The following PDLIM2 variants were observed in gnomAD, a reference collection of about 807,000 sequenced individuals.
The protein encoded by PDLIM2 is PDZ and LIM domain protein 2.
Under a neutral mutation model 54.1 loss-of-function variants are expected in PDLIM2, and 51 were observed. That is an observed-to-expected ratio of 0.94 (90% CI 0.75 to 1.19). The LOEUF is 1.19. Ranked by LOEUF, PDLIM2 falls within the 50% of genes most tolerant of loss-of-function variation. PDLIM2 has a pLI of 0.00. For missense variants in PDLIM2, 912 were observed against 874.0 expected (o/e 1.04, Z -0.55); for synonymous variants, 398 against 385.6 (o/e 1.03, Z -0.38).
At chr8:22,593,551 T>C in intron 9 of PDLIM2, 182 bp from the exon 9 acceptor site, 1 of 575,604 alleles carries the variant, frequency 1.7e-6, no homozygotes, top group Non-Finnish European at 2.9e-6. Flanking sequence ...TATTCCAGCC[T>C]GGGCAACAAG....
chr8:22,589,197 C>G, intron 6 of PDLIM2, 101 bp from the exon 6 acceptor site: 4 of 1,281,158 alleles, frequency 3.1e-6, no homozygotes, highest in Non-Finnish European at 3.3e-6. Context: ...GGGCCGGGGG[C>G]CCCCTGGTGT....
chr8:22,585,193 C>T lies in PDLIM2; in HGVS notation c.1211+31C>T, dbSNP rs781121116. The T allele has an allele frequency of 5.0e-6, 8 of 1,609,178 alleles. No individual in the cohort carries two copies. In the Admixed American group the frequency reaches 5.0e-5, roughly 10 times the overall value. Reference sequence around the variant, plus strand: ...TGTGCCTGTGAGTGGGTACCCTGGTCGCCTGCGCTGCCAGCTCCAGGCTGG... The same window carrying T: ...TGTGCCTGTGAGTGGGTACCCTGGTTGCCTGCGCTGCCAGCTCCAGGCTGG... On this transcript the variant is annotated intron_variant, in intron 5 of 9. Transcript: ENST00000308354.
chr8:22,585,294 C>T (rs1800342413), intron 5 of PDLIM2, 27 bp from the exon 5 acceptor site: 2 of 1,611,692 alleles, frequency 1.2e-6, no homozygotes, highest in South Asian at 1.1e-5. Flanking sequence ...GTGGCCCTGG[C>T]ACACACTGTC....
intron 6 of PDLIM2, chr8:22,589,089 C>T: frequency 2.0e-6 from 1 of 496,046 alleles, no homozygotes; most frequent in Non-Finnish European, 3.8e-6. Context: ...TGCGCCCTGG[C>T]TCCGAGGGAA....
In PDLIM2 at chr8:22,579,402, A is replaced by T. The variant is rs1800126041; in HGVS notation, c.623A>T (p.Gln208Leu). 3 of 1,510,612 alleles carry T rather than the reference A, an allele frequency of 2.0e-6. No individual in the cohort carries two copies. Among genetic ancestry groups the T allele is most frequent in the South Asian group, 2.5e-5 (2 of 81,610 alleles). 93.6% of individuals were successfully genotyped at this position (1,510,612 alleles called of 1,614,324 possible). The change falls in exon 1 of 10, where the codon CAG (glutamine) becomes CTG (leucine). Residue 208 changes from glutamine to leucine, a missense_variant. Physicochemically the swap from Gln to Leu is moderately radical, Grantham distance 113 (BLOSUM62 -2). Coordinates refer to ENST00000308354, the Ensembl canonical transcript of PDLIM2. ...TCCCCGGCCGGAGCGCTCCTCCTCC[A>T]GCCCCCAGCCCGCAGGGTACTTTGC...
rs752888665 is a variant in PDLIM2, at chr8:22,589,647, C to A, written c.1419C>A (p.Phe473Leu). 11 of 1,592,366 alleles carry A rather than the reference C, an allele frequency of 6.9e-6. No homozygotes were observed. In the African/African-American group the frequency reaches 8.0e-5, roughly 12 times the overall value. ...TCCTGGACGAGGACTCGGAAGTCTT[C>A]AAGATGCTGCAGGAAAATCGCGAGG... Residue 473 changes from phenylalanine (F) to leucine (L), a missense_variant, in exon 8 of 10, where the codon TTC becomes TTA. Transcript: ENST00000308354.
chr8:22,586,772 C>G (rs1478510039), intron 6 of PDLIM2, among the ~76,000 whole-genome samples: 3 of 152,136 alleles, frequency 2.0e-5, no homozygotes, highest in Admixed American at 2.0e-4. Flanking sequence ...CGTGTTGCCC[C>G]CAGTCCAGGA....
At chr8:22,593,950 G>T (rs1563879528) in exon 10 of PDLIM2, 2 of 1,535,592 alleles carry the variant, frequency 1.3e-6, no homozygotes, top group Non-Finnish European at 1.8e-6. Context: ...CTGGGCCAGG[G>T]TCATGCCTAT....
At chr8:22,593,630 T>A in intron 9 of PDLIM2, 103 bp from the exon 9 acceptor site, 2 of 751,128 alleles carry the variant, frequency 2.7e-6, no homozygotes, top group Non-Finnish European at 3.9e-6. Flanking sequence ...GGCTTTGGGC[T>A]CCACCCAGGT....
chr8:22,593,728 T>A lies in PDLIM2; in HGVS notation c.1632-5T>A. 1 of 1,574,444 alleles carries A rather than the reference T, an allele frequency of 6.4e-7. No homozygotes were observed. On this transcript the variant is annotated splice_region_variant and splice_polypyrimidine_tract_variant and intron_variant, in intron 9 of 9. Coordinates refer to ENST00000308354, the Ensembl canonical transcript of PDLIM2. ...TCTGAGCTAAAGCCTCTCCCTCCCCTTCAGGAACCAGGCTGTGCGCATCCA... is the reference window on the plus strand; with the variant it reads ...TCTGAGCTAAAGCCTCTCCCTCCCCATCAGGAACCAGGCTGTGCGCATCCA...
intron 6 of PDLIM2, among the ~76,000 whole-genome samples, chr8:22,586,057 C>T (rs1800373219): frequency 6.6e-6 from 1 of 152,152 alleles, no homozygotes; most frequent in Non-Finnish European, 1.5e-5. Context: ...CAGCCCTGGG[C>T]CGCAGCTGCT....
chr8:22,589,902 T>C, intron 8 of PDLIM2, 161 bp downstream of exon 7: 1 of 1,044,232 alleles, frequency 9.6e-7, no homozygotes. Context: ...CCCCTGCCCA[T>C]AAGGAGCTGA....
intron 2 of PDLIM2, 80 bp from the exon 2 acceptor site, chr8:22,581,299 G>A: frequency 6.6e-7 from 1 of 1,517,114 alleles, no homozygotes. Flanking sequence ...GCCAGCCTCT[G>A]TGTTTCTTGG....
chr8:22,583,163 A>C (rs1335943457), intron 3 of PDLIM2, among the ~76,000 whole-genome samples: 1 of 151,930 alleles, frequency 6.6e-6, no homozygotes, highest in Non-Finnish European at 1.5e-5. Context: ...GTTACCTCCC[A>C]TTCAGGGCTC....
downstream of PDLIM2, chr8:22,597,941 C>G (rs764999660): frequency 1.3e-5 from 2 of 152,332 alleles, no homozygotes; most frequent in Non-Finnish European, 2.9e-5. Context: ...GCCAGCAATT[C>G]TGGCACTTGG....
chr8:22,585,022 C>T (rs765428999), exon 5 of PDLIM2: 34 of 1,613,768 alleles, frequency 2.1e-5, no homozygotes, highest in South Asian at 7.7e-5. Flanking sequence ...CACAGGGCTC[C>T]GTGAGGACAT....
intron 4 of PDLIM2, 41 bp from the exon 4 acceptor site, chr8:22,584,976 G>A: frequency 6.2e-7 from 1 of 1,613,264 alleles, no homozygotes; most frequent in Non-Finnish European, 8.5e-7. Context: ...GGCCTTGGCG[G>A]GGCAGCCCTG....
chr8:22,580,399 A>G (rs1455171291), intron 1 of PDLIM2, 76 bp from the exon 1 acceptor site: 21 of 1,301,236 alleles, frequency 1.6e-5, no homozygotes, highest in Non-Finnish European at 2.0e-5. Flanking sequence ...ACCCAGAAGC[A>G]TGGCTTCCCA....
intron 3 of PDLIM2, among the ~76,000 whole-genome samples, chr8:22,584,053 G>A (rs113254086): frequency 0.088 from 13,329 of 151,830 alleles, 652 homozygotes; most frequent in Non-Finnish European, 0.11. Flanking sequence ...CCAGCCTGGA[G>A]TGCAGTGGTA....
Sources: gnomAD v4.1 joint callset for allele counts (sites outside exome capture counted in the v4.1 genomes callset) on GRCh38, gnomAD v4.1.1 for gene constraint, MANE v1.5 for transcripts, NCBI Gene and HGNC (gene_info 2026-07-23, HGNC 2026-07-21) for gene names.